ZSCAN10: variants seen among roughly 807,000 people sequenced by gnomAD.
ZSCAN10 encodes the protein zinc finger and SCAN domain-containing protein 10.
ZSCAN10 carries 52 observed loss-of-function variants against 63.7 expected under a neutral mutation model. The observed-to-expected ratio is 0.82, with a 90% CI of 0.65 to 1.03. The LOEUF (loss-of-function observed/expected upper bound fraction) is 1.03, where lower values mean the gene tolerates loss of function less well. ZSCAN10 is among the 50% of genes least tolerant of loss of function. The pLI is 0.00. For synonymous variants in ZSCAN10, 544 were observed against 479.6 expected (o/e 1.13, Z -1.76); for missense variants, 1,223 against 1,103.8 (o/e 1.11, Z -1.53).
At position 3,089,626 on chromosome 16, in the gene ZSCAN10, G is replaced by T; in HGVS notation, c.1808C>A (p.Pro603His). The change falls in exon 6 of 6, where the codon CCT (proline) becomes CAT (histidine). Residue 603 changes from proline (P) to histidine (H), a missense_variant. Transcript: ENST00000576985. ...GCACTGGGTGCAGTGGTGGGGCCGAGGGCCACCGTGGGTCAGCAGGTGGCG... is the reference window on the plus strand; with the variant it reads ...GCACTGGGTGCAGTGGTGGGGCCGATGGCCACCGTGGGTCAGCAGGTGGCG... Reference protein sequence around the residue: ...LARHLLTHGGPRPHHCTQCGK... With the variant: ...LARHLLTHGGHRPHHCTQCGK... The T allele has an allele frequency of 6.3e-7, 1 of 1,584,536 alleles. No individual in the cohort carries two copies. Among genetic ancestry groups the T allele is most frequent in the East Asian group, 2.3e-5 (1 of 43,830 alleles).
At chr16:3,090,721 C>T in intron 5 of ZSCAN10, 75 bp from the exon 6 acceptor site, 13 of 1,449,454 alleles carry the variant, frequency 9.0e-6, no homozygotes, top group South Asian at 1.4e-5. Flanking sequence ...CCTGATTGGC[C>T]TGGAAGTGGA....
chr16:3,089,147 G>T lies in ZSCAN10; in HGVS notation c.2287C>A (p.Arg763Ser). The T allele has an allele frequency of 6.5e-7, 1 of 1,528,704 alleles. No homozygotes were observed. Among genetic ancestry groups the T allele is most frequent in the Non-Finnish European group, 8.7e-7 (1 of 1,148,286 alleles). The allele number at this position is 1,528,704 out of a possible 1,614,324, so 94.7% of individuals were successfully genotyped here. The part of the protein sequence containing the change: ...SCTQCGRSFS[R>S]NSHLLRHLRT... ...AGGTGGCGCAGCAGGTGGGAGTTGC[G>T]GCTGAAGCTGCGGCCACACTGCGTG... The change falls in exon 6 of 6, where the codon CGC becomes AGC. Residue 763 changes from arginine to serine, a missense_variant. Arg to Ser is a moderately radical substitution (Grantham distance 110). Transcript: ENST00000576985.
At chr16:3,098,834 C>T (rs1466119148) in intron 1 of ZSCAN10, among the ~76,000 whole-genome samples, 2 of 152,218 alleles carry the variant, frequency 1.3e-5, no homozygotes, top group East Asian at 3.9e-4. Flanking sequence ...GGGAACACTC[C>T]CTTTCTCCCT....
At chr16:3,093,115 C>G in intron 1 of ZSCAN10, 111 bp from the exon 2 acceptor site, 3 of 805,248 alleles carry the variant, frequency 3.7e-6, no homozygotes, top group South Asian at 1.1e-4. Flanking sequence ...AATCGCTTTT[C>G]TCACTGGGTA....
rs557930015 is a variant in ZSCAN10, at chr16:3,089,975, G to T, written c.1459C>A (p.Arg487Ser). 2 of 1,547,140 alleles carry T rather than the reference G, an allele frequency of 1.3e-6. No individual in the cohort carries two copies. The highest frequency in any genetic ancestry group is 2.3e-5 in the South Asian group (2 of 85,398). ...LCSHCGQSFQ[R>S]RSSLKRHLRI... is the part of the protein sequence containing the mutation. The stretch of plus-strand genomic sequence containing the variant: ...AGGTGGCGCTTGAGGCTGGAGCGGC[G>T]CTGGAAGCTCTGGCCGCAGTGGGAG... Residue 487 changes from arginine to serine, a missense_variant, in exon 6 of 6, where the codon CGC becomes AGC. Transcript: ENST00000576985.
At position 3,092,997 on chromosome 16, in the gene ZSCAN10, TC is replaced by T. The variant is rs1329886984; in HGVS notation, c.-61del. ...CCGCTCTTGGGTCTCTCTCCTCTCC[TC>T]CCACACCTGCGAAGGTGAACACCCT... is the stretch of plus-strand genomic sequence containing the variant. On this transcript the variant is annotated 5_prime_UTR_variant, in exon 2 of 6. Transcript: ENST00000576985. The T allele has an allele frequency of 1.5e-6, 2 of 1,378,136 alleles. No individual in the cohort carries two copies. The highest frequency in any genetic ancestry group is 9.4e-7 in the Non-Finnish European group (1 of 1,069,158). 85.4% of individuals were successfully genotyped at this position (1,378,136 alleles called of 1,614,324 possible).
rs1342557810 is a variant in ZSCAN10 at position 3,089,428 on chromosome 16, T to A, written c.2006A>T (p.His669Leu). Residue 669 changes from histidine (H) to leucine (L), a missense_variant, in exon 6 of 6, where the codon CAC (histidine) becomes CTC (leucine). Physicochemically the swap from His to Leu is moderately conservative, Grantham distance 99. Transcript: ENST00000576985. ...EKPHACDTCG[H>L]RFRNSSNLAR... ...CAGGTTGGAGCTATTGCGGAAACGGTGGCCGCAGGTGTCGCAGGCGTGGGG... is the reference window on the plus strand; with the variant it reads ...CAGGTTGGAGCTATTGCGGAAACGGAGGCCGCAGGTGTCGCAGGCGTGGGG... 2 of 1,605,086 alleles carry A rather than the reference T, an allele frequency of 1.2e-6. No individual in the cohort carries two copies. Among genetic ancestry groups the A allele is most frequent in the African/African-American group, 1.3e-5 (1 of 74,440 alleles).
chr16:3,096,854 G>C (rs1957158903), intron 1 of ZSCAN10, among the ~76,000 whole-genome samples: 7 of 151,808 alleles, frequency 4.6e-5, no homozygotes, highest in Admixed American at 3.9e-4. Context: ...GCTTGAACCT[G>C]GGAGGCGGAG....
Position 3,091,581 on chromosome 16 carries a change from T to C in ZSCAN10, c.746A>G (p.Glu249Gly), listed in dbSNP as rs763885517. Reference sequence around the variant, plus strand: ...CCACGCCTTATTCTCTGGCACATCCTCAAAGGTCAGGCACTCCTGTATCAA... The same window carrying C: ...CCACGCCTTATTCTCTGGCACATCCCCAAAGGTCAGGCACTCCTGTATCAA... The part of the protein sequence containing the change: ...LAAVLECLTF[E>G]DVPENKAWPA... The change falls in exon 5 of 6, where the codon GAG becomes GGG. Residue 249 changes from glutamate (E) to glycine (G), a missense_variant. By Grantham distance (98) the Glu-to-Gly change is moderately conservative. Coordinates refer to ENST00000576985, the MANE Select transcript of ZSCAN10 (RefSeq NM_032805.3). The C allele has an allele frequency of 2.8e-5, 45 of 1,614,064 alleles. No homozygotes were observed. Among genetic ancestry groups the C allele is most frequent in the Non-Finnish European group, 3.7e-5 (44 of 1,180,036 alleles).
Position 3,090,041 on chromosome 16 carries a change from C to G in ZSCAN10, c.1393G>C (p.Glu465Gln). The change falls in exon 6 of 6, where the codon GAG (glutamate) becomes CAG (glutamine). Residue 465 changes from glutamate to glutamine, a missense_variant. Glu to Gln is a conservative substitution (Grantham distance 29). Transcript: ENST00000576985. ...AGTGGCGGCGCTTCGGCCTTACTCTCAGGAGCGCAGGGCGGCTTCTGGTCC... is the reference window on the plus strand; with the variant it reads ...AGTGGCGGCGCTTCGGCCTTACTCTGAGGAGCGCAGGGCGGCTTCTGGTCC... Reference protein sequence around the residue: ...AQDQKPPCAPESKAEAPPLTD... With the variant: ...AQDQKPPCAPQSKAEAPPLTD... The G allele has an allele frequency of 6.3e-7, 1 of 1,599,998 alleles. No homozygotes were observed. Among genetic ancestry groups the G allele is most frequent in the Non-Finnish European group, 8.5e-7 (1 of 1,176,436 alleles).
chr16:3,092,994 T>C lies in ZSCAN10; in HGVS notation c.-57A>G. On this transcript the variant is annotated 5_prime_UTR_variant, in exon 2 of 6. Coordinates refer to ENST00000576985, the MANE Select transcript of ZSCAN10 (RefSeq NM_032805.3). ...GCCCCGCTCTTGGGTCTCTCTCCTC[T>C]CCTCCCACACCTGCGAAGGTGAACA... 3 of 1,383,306 alleles carry C rather than the reference T, an allele frequency of 2.2e-6. No individual in the cohort carries two copies. The highest frequency in any genetic ancestry group is 2.8e-6 in the Non-Finnish European group (3 of 1,071,912). The allele number at this position is 1,383,306 out of a possible 1,614,324, so 85.7% of individuals were successfully genotyped here.
chr16:3,094,054 G>T (rs150954673), intron 1 of ZSCAN10, among the ~76,000 whole-genome samples: 2,833 of 152,084 alleles, frequency 0.019, 93 homozygotes, highest in African/African-American at 0.065. Flanking sequence ...ACTCTGTCAC[G>T]CAGGCTGCAG....
In ZSCAN10 at chr16:3,089,636, G is replaced by C; in HGVS notation, c.1798C>G (p.His600Asp). 1.3e-6 allele frequency: 2 copies of C among 1,588,654 alleles called. No homozygotes were observed. Among genetic ancestry groups the C allele is most frequent in the Non-Finnish European group, 1.7e-6 (2 of 1,167,462 alleles). Residue 600 changes from histidine to aspartate, a missense_variant, in exon 6 of 6, where the codon CAC (histidine) becomes GAC (aspartate). Transcript: ENST00000576985. ...CAGTGGTGGGGCCGAGGGCCACCGT[G>C]GGTCAGCAGGTGGCGGGCAAGGCTG... ...RASLARHLLT[H>D]GGPRPHHCTQ...
At position 3,089,529 on chromosome 16, in the gene ZSCAN10, G is replaced by A; in HGVS notation, c.1905C>T (p.Arg635=). The change falls in exon 6 of 6, where the codon CGC becomes CGT. Residue 635 remains arginine (R), a synonymous_variant. Coordinates refer to ENST00000576985, the MANE Select transcript of ZSCAN10 (RefSeq NM_032805.3). Reference sequence around the variant, plus strand: ...TGAAGCCCTCACCGCACTCGCTGCAGCGGCAGGGCTTCTCGCCCGTGTGGC... The same window carrying A: ...TGAAGCCCTCACCGCACTCGCTGCAACGGCAGGGCTTCTCGCCCGTGTGGC... The part of the protein sequence containing the change: ...QRSHTGEKPC[R]CSECGEGFSQ... 4.4e-6 allele frequency: 7 copies of A among 1,603,150 alleles called. No homozygotes were observed. Among genetic ancestry groups the A allele is most frequent in the Non-Finnish European group, 6.0e-6 (7 of 1,175,662 alleles).
At chr16:3,097,405 T>C (rs1436073580) in intron 1 of ZSCAN10, among the ~76,000 whole-genome samples, 1 of 152,116 alleles carries the variant, frequency 6.6e-6, no homozygotes, top group Non-Finnish European at 1.5e-5. Context: ...GGAAGGACTC[T>C]GACAAAATGG....
At position 3,089,733 on chromosome 16, in the gene ZSCAN10, G is replaced by A; in HGVS notation, c.1701C>T (p.Ser567=). The change falls in exon 6 of 6, where the codon AGC becomes AGT. Residue 567 remains serine, a synonymous_variant. Coordinates refer to ENST00000576985, the MANE Select transcript of ZSCAN10 (RefSeq NM_032805.3). ...TCTCGCCCGTGTGCACCCGTTGGTG[G>A]CTGACCAGCTGCGAGCTCTGCGTGA... is the stretch of plus-strand genomic sequence containing the variant. The part of the protein sequence containing the change: ...RSFTQSSQLV[S]HQRVHTGEKP... 1 of 1,602,348 alleles carries A rather than the reference G, an allele frequency of 6.2e-7. No homozygotes were observed. Among genetic ancestry groups the A allele is most frequent in the Non-Finnish European group, 8.5e-7 (1 of 1,179,012 alleles).
chr16:3,094,206 T>G (rs1269876061), intron 1 of ZSCAN10, among the ~76,000 whole-genome samples: 1 of 151,924 alleles, frequency 6.6e-6, no homozygotes, highest in Non-Finnish European at 1.5e-5. Flanking sequence ...TAGACACGAG[T>G]TCTCATTATG....
At position 3,089,501 on chromosome 16, in the gene ZSCAN10, G is replaced by A; in HGVS notation, c.1933C>T (p.Gln645Ter). The A allele has an allele frequency of 6.2e-7, 1 of 1,602,586 alleles. No homozygotes were observed. The highest frequency in any genetic ancestry group is 2.2e-5 in the East Asian group (1 of 44,700). Residue 645 changes from glutamine (Q) to a stop codon, truncating the protein, a stop_gained, in exon 6 of 6, where the codon CAG (glutamine) becomes TAG (stop). Coordinates refer to ENST00000576985, the MANE Select transcript of ZSCAN10 (RefSeq NM_032805.3). LOFTEE classifies it high-confidence loss of function. ...TGGTGGCGCGCCAGGTGGGCGCTCT[G>A]GCTGAAGCCCTCACCGCACTCGCTG... is the stretch of plus-strand genomic sequence containing the variant. ...RCSECGEGFS[Q>*]SAHLARHQRI...
In ZSCAN10 at chr16:3,090,132, G is replaced by A. The variant is rs371075023; in HGVS notation, c.1302C>T (p.Cys434=). 1.2e-6 allele frequency: 2 copies of A among 1,600,340 alleles called. No homozygotes were observed. The highest frequency in any genetic ancestry group is 1.7e-6 in the Non-Finnish European group (2 of 1,176,920). The change falls in exon 6 of 6, where the codon TGC becomes TGT. Residue 434 remains cysteine, a synonymous_variant. Coordinates refer to ENST00000576985, the MANE Select transcript of ZSCAN10 (RefSeq NM_032805.3). ...GCTGGAAGCCGCGGCCGCACTCTGC[G>A]CACAGGAAGGCGGGTTCGGAGGAGT... ...LTHSSEPAFL[C]AECGRGFQRR... is the part of the protein sequence containing the mutation.
Sources: allele counts gnomAD v4.1 joint callset (sites outside exome capture counted in the v4.1 genomes callset), GRCh38; gene constraint gnomAD v4.1.1; transcripts MANE v1.5; gene names NCBI Gene and HGNC (gene_info 2026-07-23, HGNC 2026-07-21).